The following ANO5 variants were observed in gnomAD, a reference collection of about 807,000 sequenced individuals.
ANO5 encodes anoctamin-5.
ANO5 carries 109 observed loss-of-function variants against 121.0 expected under a neutral mutation model. That is an observed-to-expected ratio of 0.90 (90% confidence interval 0.77 to 1.06). The LOEUF (loss-of-function observed/expected upper bound fraction) is 1.06. Ranked by LOEUF, ANO5 falls within the 50% of genes least tolerant of loss-of-function variation. The probability of loss-of-function intolerance (pLI) is 0.00; values close to 1 mark genes in which losing one functional copy is unlikely to be tolerated. For missense variants in ANO5, 1,064 were observed against 1,078.5 expected, an observed-to-expected ratio of 0.99 and a Z score of 0.19; for synonymous variants, 406 against 359.9, an observed-to-expected ratio of 1.13 and a Z score of -1.45.
intron 17 of ANO5, among the ~76,000 whole-genome samples, chr11:22,268,192 C>T (rs896342936): frequency 2.6e-5 from 4 of 152,058 alleles, no homozygotes; most frequent in African/African-American, 9.7e-5. Flanking sequence ...ATTTTATAAA[C>T]ATCTTGTCAG....
intron 2 of ANO5, among the ~76,000 whole-genome samples, chr11:22,208,159 T>C (rs1852175578): frequency 6.6e-6 from 1 of 152,036 alleles, no homozygotes; most frequent in South Asian, 2.1e-4. Flanking sequence ...TCATGTAAGT[T>C]GGGTAATCAT....
chr11:22,278,293 C>G (rs140136331), intron 21 of ANO5, among the ~76,000 whole-genome samples: 34 of 151,774 alleles, frequency 2.2e-4, no homozygotes, highest in African/African-American at 8.2e-4. Context: ...GATCTAAAAA[C>G]GTACTTACCC....
Position 22,281,731 on chromosome 11 carries a change from T to C in ANO5, c.*1966T>C, listed in dbSNP as rs1335491386. ...CTTAAAAGTATTCATAGAGGTAGAC[T>C]GTATGATAAATAAAAACAAATTTAA... is the stretch of plus-strand genomic sequence containing the variant. On this transcript the variant is annotated 3_prime_UTR_variant, in exon 22 of 22. Coordinates refer to ENST00000324559, the MANE Select transcript of ANO5 (RefSeq NM_213599.3). The C allele has an allele frequency of 6.6e-6, 1 of 152,022 alleles. No homozygotes were observed. The highest frequency in any genetic ancestry group is 2.4e-5 in the African/African-American group (1 of 41,404). The allele number at this position is 152,022 out of a possible 1,614,324, so 9.4% of individuals were successfully genotyped here.
At position 22,243,597 on chromosome 11, in the gene ANO5, A is replaced by T. The variant is rs1029719837; in HGVS notation, c.878+3913A>T. On this transcript the variant is annotated intron_variant, in intron 9 of 21. Coordinates refer to ENST00000324559, the MANE Select transcript of ANO5 (RefSeq NM_213599.3). The stretch of plus-strand genomic sequence containing the variant: ...TTTTAAATTAATGATTAAATTTCAA[A>T]ACTTATAATGGTCTGTTTGGGTTTT... Among the ~76,000 whole-genome samples, 7 of 151,840 alleles carry T rather than the reference A, an allele frequency of 4.6e-5. No individual in the cohort carries two copies. The South Asian group carries it at 8.3e-4, about 18-fold the overall frequency.
chr11:22,271,176 A>C (rs948527875), intron 18 of ANO5, among the ~76,000 whole-genome samples: 2 of 152,058 alleles, frequency 1.3e-5, no homozygotes, highest in African/African-American at 4.8e-5. Context: ...CTTCAGGAGA[A>C]TTGCCTGTAG....
chr11:22,270,321 G>T lies in ANO5; in HGVS notation c.1908G>T (p.Leu636Phe), dbSNP rs1213825261. 6.2e-7 allele frequency: 1 copy of T among 1,613,972 alleles called. No homozygotes were observed. The highest frequency in any genetic ancestry group is 8.5e-7 in the Non-Finnish European group (1 of 1,180,018). The change falls in exon 18 of 22, where the codon TTG (leucine) becomes TTT (phenylalanine). Residue 636 changes from leucine (L) to phenylalanine (F), a missense_variant. Physicochemically the swap from Leu to Phe is conservative, Grantham distance 22 (BLOSUM62 0). Coordinates refer to ENST00000324559, the MANE Select transcript of ANO5 (RefSeq NM_213599.3). ...NIKEAIYPLA[L>F]NWWRRRKART... ...TTATCACTTCCAACAGCTTGGCTTT[G>T]AATTGGTGGAGACGCCGAAAAGCTC...
chr11:22,225,833 A>G (rs1852808153), intron 5 of ANO5, 151 bp from the exon 6 acceptor site: 12 of 634,390 alleles, frequency 1.9e-5, no homozygotes, highest in Non-Finnish European at 2.6e-5. Flanking sequence ...GAAAAGCAGT[A>G]CCTGACATTC....
chr11:22,205,903 A>G (rs917718299), intron 2 of ANO5, among the ~76,000 whole-genome samples: 2 of 152,186 alleles, frequency 1.3e-5, no homozygotes, highest in Non-Finnish European at 2.9e-5. Context: ...ACAAACTACT[A>G]TAATCCACTC....
At chr11:22,248,901 A>T (rs183565929) in intron 9 of ANO5, among the ~76,000 whole-genome samples, 3 of 152,066 alleles carry the variant, frequency 2.0e-5, no homozygotes, top group Admixed American at 1.3e-4. Context: ...CATGGTAAAC[A>T]GTAAATTTCA....
chr11:22,225,840 A>G, intron 5 of ANO5, 144 bp from the exon 6 acceptor site: 2 of 646,924 alleles, frequency 3.1e-6, no homozygotes, highest in Non-Finnish European at 5.6e-6. Flanking sequence ...AGTACCTGAC[A>G]TTCAGATGGA....
chr11:22,216,389 A>T (rs2133571091), intron 3 of ANO5, among the ~76,000 whole-genome samples: 1 of 151,998 alleles, frequency 6.6e-6, no homozygotes, highest in Admixed American at 6.6e-5. Flanking sequence ...AATTTCAGTA[A>T]TTCTAGTGGA....
chr11:22,267,908 G>C (rs57837090), intron 17 of ANO5, among the ~76,000 whole-genome samples: 10 of 152,220 alleles, frequency 6.6e-5, no homozygotes, highest in African/African-American at 2.4e-4. Flanking sequence ...ATGGCCTCCA[G>C]CTCCATCCAT....
Position 22,274,771 on chromosome 11 carries a change from A to G in ANO5, c.2414+24A>G, listed in dbSNP as rs772455301. ...AGGTGATTTGTTTGTTTGTTTGTTTAGGTTTTAGTTTTATCCCTTAAGCGT... is the reference window on the plus strand; with the variant it reads ...AGGTGATTTGTTTGTTTGTTTGTTTGGGTTTTAGTTTTATCCCTTAAGCGT... On this transcript the variant is annotated intron_variant, in intron 20 of 21. Coordinates refer to ENST00000324559, the MANE Select transcript of ANO5 (RefSeq NM_213599.3). 2.5e-6 allele frequency: 4 copies of G among 1,610,694 alleles called. No individual in the cohort carries two copies. The Admixed American group carries it at 5.0e-5, about 20-fold the overall frequency.
At chr11:22,258,419 CTT>C (rs894240259) in intron 14 of ANO5, among the ~76,000 whole-genome samples, 2 of 152,118 alleles carry the variant, frequency 1.3e-5, no homozygotes, top group African/African-American at 4.8e-5. Context: ...TCAGGACTCT[CTT>C]TTGAGAAATC....
At chr11:22,255,091 TTGTC>T (rs956093727) in intron 12 of ANO5, among the ~76,000 whole-genome samples, 2 of 152,148 alleles carry the variant, frequency 1.3e-5, no homozygotes, top group Non-Finnish European at 2.9e-5. Context: ...TTACTTCAAA[TTGTC>T]TGAATGAAGA....
At chr11:22,240,865 C>A (rs1412209787) in intron 9 of ANO5, among the ~76,000 whole-genome samples, 1 of 151,378 alleles carries the variant, frequency 6.6e-6, no homozygotes, top group Non-Finnish European at 1.5e-5. Flanking sequence ...TAATATTTTT[C>A]TTTATTCACT....
chr11:22,244,425 T>A (rs975583937), intron 9 of ANO5, among the ~76,000 whole-genome samples: 11 of 152,088 alleles, frequency 7.2e-5, no homozygotes, highest in African/African-American at 2.2e-4. Context: ...TTTCTTAAAT[T>A]TGTATATCAA....
intron 3 of ANO5, among the ~76,000 whole-genome samples, chr11:22,213,470 A>G (rs1411166753): frequency 6.6e-6 from 1 of 151,302 alleles, no homozygotes; most frequent in African/African-American, 2.4e-5. Flanking sequence ...GACTTGGATT[A>G]TATGTTTTTG....
At position 22,250,540 on chromosome 11, in the gene ANO5, T is replaced by G. The variant is rs116081719; in HGVS notation, c.1013+169T>G. Among the ~76,000 whole-genome samples the G allele has an allele frequency of 6.8e-3, 1,035 of 152,312 alleles. 8 individuals carry two copies. Among genetic ancestry groups the G allele is most frequent in the African/African-American group, 0.024 (979 of 41,580 alleles). On this transcript the variant is annotated intron_variant, in intron 10 of 21. Coordinates refer to ENST00000324559, the MANE Select transcript of ANO5 (RefSeq NM_213599.3). The stretch of plus-strand genomic sequence containing the variant: ...ATAACAGTTGCCTCTCACCTGGTGC[T>G]TTATGGAAAATCTGTTTTTAAAGCT...
Sources: gnomAD v4.1 joint callset for allele counts (sites outside exome capture counted in the v4.1 genomes callset) on GRCh38, gnomAD v4.1.1 for gene constraint, MANE v1.5 for transcripts, NCBI Gene and HGNC (gene_info 2026-07-23, HGNC 2026-07-21) for gene names.